The following SREBF2 variants were observed in gnomAD, a reference collection of about 807,000 sequenced individuals.
SREBF2 encodes the protein sterol regulatory element-binding protein 2.
Under a neutral mutation model 113.1 loss-of-function variants are expected in SREBF2, and 55 were observed. The ratio of observed to expected loss-of-function variants is 0.49; its 90% CI spans 0.39 to 0.61. SREBF2 has a LOEUF of 0.61. Among genes scored for constraint, SREBF2 ranks in the 20% least tolerant of loss-of-function variants. The pLI, the probability that SREBF2 is intolerant of heterozygous loss-of-function variation, is 0.00. For synonymous variants in SREBF2, 593 were observed against 605.7 expected, an observed-to-expected ratio of 0.98 and a Z score of 0.31; for missense variants, 1,349 against 1,487.4, an observed-to-expected ratio of 0.91 and a Z score of 1.53.
chr22:41,903,271 G>GC, intron 17 of SREBF2, 116 bp downstream of exon 17: 3 of 1,277,416 alleles, frequency 2.3e-6, no homozygotes, highest in Non-Finnish European at 2.2e-6. Flanking sequence ...GGTCAGCCTG[G>GC]TGACCTGTCG....
chr22:41,861,889 C>T (rs914774965), intron 1 of SREBF2, among the ~76,000 whole-genome samples: 4 of 150,734 alleles, frequency 2.7e-5, no homozygotes, highest in East Asian at 1.9e-4. Context: ...CACCACTGCA[C>T]GCCTGGGCAA....
chr22:41,875,409 C>T lies in SREBF2; in HGVS notation c.1162C>T (p.Arg388Cys), dbSNP rs778847006. The T allele has an allele frequency of 5.0e-6, 8 of 1,614,186 alleles. No individual in the cohort carries two copies. The highest frequency in any genetic ancestry group is 2.2e-5 in the South Asian group (2 of 91,084). ...KYLQQVNHKLRQENMVLKLAN... is the reference protein window; with the variant it reads ...KYLQQVNHKLCQENMVLKLAN... ...CTTGCAGCAGGTCAATCATAAACTGCGCCAGGAGAACATGGTGCTGAAGCT... is the reference window on the plus strand; with the variant it reads ...CTTGCAGCAGGTCAATCATAAACTGTGCCAGGAGAACATGGTGCTGAAGCT... The change falls in exon 6 of 19, where the codon CGC becomes TGC. Residue 388 changes from arginine (R) to cysteine (C), a missense_variant. By Grantham distance (180) the Arg-to-Cys change is radical (BLOSUM62 -3). Coordinates refer to ENST00000361204, the MANE Select transcript of SREBF2 (RefSeq NM_004599.4).
At chr22:41,849,696 T>G (rs1326832563) in intron 1 of SREBF2, among the ~76,000 whole-genome samples, 1 of 152,218 alleles carries the variant, frequency 6.6e-6, no homozygotes, top group Non-Finnish European at 1.5e-5. Context: ...TGGTCTCATT[T>G]GAAGAATAAT....
intron 16 of SREBF2, among the ~76,000 whole-genome samples, chr22:41,902,533 C>T (rs1024868648): frequency 1.3e-5 from 2 of 152,152 alleles, no homozygotes; most frequent in Non-Finnish European, 2.9e-5. Context: ...CTCCTTCCCC[C>T]AGCCCCATCG....
rs973938218 is a variant in SREBF2 at position 41,905,967 on chromosome 22, TTC to T, written c.*314_*315del. On this transcript the variant is annotated 3_prime_UTR_variant, in exon 19 of 19. Transcript: ENST00000361204. The stretch of plus-strand genomic sequence containing the variant: ...GCCCCTGCCTCCAGCCTTCCTGAGT[TTC>T]TCTCTCCTGAACCCTACTCTCTCCT... 1.7e-6 allele frequency: 1 copy of T among 601,428 alleles called. No homozygotes were observed. Among genetic ancestry groups the T allele is most frequent in the Admixed American group, 2.1e-5 (1 of 46,670 alleles). 37.3% of individuals were successfully genotyped at this position (601,428 alleles called of 1,614,324 possible).
chr22:41,847,747 A>G (rs2076890478), intron 1 of SREBF2, among the ~76,000 whole-genome samples: 1 of 152,182 alleles, frequency 6.6e-6, no homozygotes, highest in Admixed American at 6.5e-5. Context: ...TCAAAGTGTC[A>G]TTGAGATTAA....
chr22:41,851,948 G>A (rs145074479), intron 1 of SREBF2, among the ~76,000 whole-genome samples: 1,989 of 152,112 alleles, frequency 0.013, 50 homozygotes, highest in African/African-American at 0.046. Context: ...GTGAAACCCC[G>A]TCTCTACTAA....
chr22:41,872,391 G>A (rs2077153187), intron 4 of SREBF2, among the ~76,000 whole-genome samples: 1 of 152,052 alleles, frequency 6.6e-6, no homozygotes, highest in African/African-American at 2.4e-5. Context: ...AGGGGCATGC[G>A]GGGACTTTCT....
chr22:41,906,703 AAACCTAATTAATTCT>A lies in SREBF2; in HGVS notation c.*1044_*1058del, dbSNP rs2077512261. 6.6e-6 allele frequency: 1 copy of A among 152,228 alleles called. No individual in the cohort carries two copies. The highest frequency in any genetic ancestry group is 6.5e-5 in the Admixed American group (1 of 15,292). 9.4% of individuals were successfully genotyped at this position (152,228 alleles called of 1,614,324 possible). ...AGTTGAGGCATATCTGTATATATTT[AAACCTAATTAATTCT>A]TGAGCTGAAAATAAATAAACCAGGA... On this transcript the variant is annotated 3_prime_UTR_variant, in exon 19 of 19. Coordinates refer to ENST00000361204, the MANE Select transcript of SREBF2 (RefSeq NM_004599.4).
At chr22:41,835,471 C>T (rs1056363130) in intron 1 of SREBF2, among the ~76,000 whole-genome samples, 8 of 151,846 alleles carry the variant, frequency 5.3e-5, no homozygotes, top group East Asian at 1.9e-4. Flanking sequence ...CCACCACGCC[C>T]GGCTAATTTT....
intron 1 of SREBF2, among the ~76,000 whole-genome samples, chr22:41,837,556 TAAAAA>T (rs764852977): frequency 1.3e-5 from 1 of 75,420 alleles, no homozygotes. Flanking sequence ...AGACTCTGTC[TAAAAA>T]AAAAAAAAAA....
intron 11 of SREBF2, 122 bp from the exon 12 acceptor site, chr22:41,892,995 G>A (rs1257178255): frequency 1.6e-6 from 2 of 1,213,452 alleles, no homozygotes; most frequent in South Asian, 2.5e-5. Flanking sequence ...TCCTATCCCT[G>A]TGCTGATCTT....
At chr22:41,899,369 A>G (rs562044002) in intron 15 of SREBF2, 1 of 1,011,950 alleles carries the variant, frequency 9.9e-7, no homozygotes, top group African/African-American at 1.7e-5. Flanking sequence ...GGCATTCGGC[A>G]CTAGTGATGG....
chr22:41,890,179 AC>A (rs1184328432), intron 11 of SREBF2, among the ~76,000 whole-genome samples: 10 of 152,150 alleles, frequency 6.6e-5, no homozygotes, highest in Non-Finnish European at 1.3e-4. Context: ...CAATACATGA[AC>A]CTGTCAAGCA....
At chr22:41,904,807 G>A in intron 17 of SREBF2, 56 bp from the exon 18 acceptor site, 1 of 1,366,732 alleles carries the variant, frequency 7.3e-7, no homozygotes, top group East Asian at 2.5e-5. Flanking sequence ...AGCTACCCTG[G>A]GCATAGATGG....
intron 15 of SREBF2, 28 bp downstream of exon 15, chr22:41,898,809 T>C (rs760012313): frequency 2.7e-5 from 43 of 1,612,824 alleles, no homozygotes; most frequent in Non-Finnish European, 3.6e-5. Flanking sequence ...GCCACTCACT[T>C]GCTTCTCTCC....
intron 17 of SREBF2, among the ~76,000 whole-genome samples, chr22:41,903,558 C>T (rs2077482124): frequency 6.6e-6 from 1 of 152,210 alleles, no homozygotes; most frequent in Non-Finnish European, 1.5e-5. Context: ...CTAGAGGCTT[C>T]GGTTCTGCTG....
intron 11 of SREBF2, among the ~76,000 whole-genome samples, chr22:41,887,643 G>C (rs753011524): frequency 3.3e-5 from 5 of 152,110 alleles, no homozygotes; most frequent in Non-Finnish European, 7.4e-5. Context: ...GTTGTTTTCT[G>C]GCTTTGGTTA....
chr22:41,885,577 A>G (rs1311216349), intron 11 of SREBF2: 3 of 166,080 alleles, frequency 1.8e-5, no homozygotes, highest in Admixed American at 5.6e-5. Context: ...GATTGTGGCT[A>G]TCAAGCACCT....
Sources: gnomAD v4.1 joint callset for allele counts (sites outside exome capture counted in the v4.1 genomes callset) on GRCh38, gnomAD v4.1.1 for gene constraint, MANE v1.5 for transcripts, NCBI Gene and HGNC (gene_info 2026-07-23, HGNC 2026-07-21) for gene names.